The following UBR3 variants were observed in gnomAD, a reference collection of about 807,000 sequenced individuals.
UBR3 encodes the protein ubiquitin protein ligase E3 component n-recognin 3, also known as E3 ubiquitin-protein ligase UBR3.
In UBR3, 85 loss-of-function variants were observed where a neutral mutation model predicts 243.2. The observed-to-expected ratio is 0.35, with a 90% CI of 0.29 to 0.42. UBR3 has a LOEUF of 0.42. UBR3 is among the 10% of genes least tolerant of loss of function. The probability of loss-of-function intolerance (pLI) is 1.00; values close to 1 mark genes in which losing one functional copy is unlikely to be tolerated. For missense variants in UBR3, 1,686 were observed against 2,300.8 expected, an observed-to-expected ratio of 0.73 and a Z score of 5.47; for synonymous variants, 748 against 799.8, an observed-to-expected ratio of 0.94 and a Z score of 1.09.
intron 5 of UBR3, among the ~76,000 whole-genome samples, chr2:169,890,540 G>GAGATATATAT: frequency 1.3e-5 from 1 of 75,998 alleles, no homozygotes; most frequent in South Asian, 5.5e-4. Context: ...GAGAGAGAGA[G>GAGATATATAT]ATATATATAT....
intron 23 of UBR3, among the ~76,000 whole-genome samples, chr2:169,953,142 A>G (rs6738841): frequency 0.027 from 4,086 of 152,272 alleles, 166 homozygotes; most frequent in African/African-American, 0.093. Context: ...ATGCTATTGT[A>G]ATAAATAATA....
In UBR3 at chr2:169,844,093, G is replaced by A. The variant is rs142971013; in HGVS notation, c.545+16041G>A. 7.8e-4 allele frequency among the ~76,000 whole-genome samples: 116 copies of A among 148,682 alleles called. 3 individuals carry two copies. In the East Asian group the frequency reaches 0.021, roughly 27 times the overall value. ...GCGACCTCGGCTCATTGCAACCTCA[G>A]CCTCCTGGGTTCAGTTGATTCTCCT... On this transcript the variant is annotated intron_variant, in intron 1 of 38. Coordinates refer to ENST00000272793, the MANE Select transcript of UBR3 (RefSeq NM_172070.4).
At chr2:169,977,115 A>G (rs542432089) in intron 24 of UBR3, among the ~76,000 whole-genome samples, 1 of 152,078 alleles carries the variant, frequency 6.6e-6, no homozygotes, top group Non-Finnish European at 1.5e-5. Flanking sequence ...TTTCTTATGC[A>G]TAAGAAATTT....
chr2:169,995,432 T>C (rs536506900), intron 26 of UBR3, among the ~76,000 whole-genome samples: 1 of 152,346 alleles, frequency 6.6e-6, no homozygotes, highest in South Asian at 2.1e-4. Flanking sequence ...TTTAGGTCTT[T>C]AGAAGTTTTG....
chr2:169,964,258 T>C (rs1574297519), intron 24 of UBR3: 1 of 284,446 alleles, frequency 3.5e-6, no homozygotes, highest in East Asian at 1.1e-4. Flanking sequence ...GTCCTTTTTT[T>C]GTCAGGTGAT....
intron 30 of UBR3, 68 bp downstream of exon 30, chr2:170,015,434 G>T: frequency 7.6e-7 from 1 of 1,307,222 alleles, no homozygotes; most frequent in South Asian, 1.3e-5. Flanking sequence ...CAGGAAAAGT[G>T]ACATTTTGGT....
At chr2:169,989,633 T>C (rs1291191460) in intron 25 of UBR3, among the ~76,000 whole-genome samples, 1 of 152,196 alleles carries the variant, frequency 6.6e-6, no homozygotes, top group Non-Finnish European at 1.5e-5. Context: ...TCACCTATTT[T>C]TTGTTGCTCT....
chr2:170,033,581 A>T (rs73975024), intron 31 of UBR3, among the ~76,000 whole-genome samples: 1 of 29,164 alleles, frequency 3.4e-5, no homozygotes, highest in African/African-American at 1.4e-4. Context: ...TTCCACACCC[A>T]CCCCCCCCCC....
chr2:169,889,395 C>T (rs533233764), intron 5 of UBR3, among the ~76,000 whole-genome samples: 40 of 152,292 alleles, frequency 2.6e-4, no homozygotes, highest in African/African-American at 9.4e-4. Flanking sequence ...AAATAATTCT[C>T]ACCTAGGACA....
At chr2:169,865,462 A>G (rs2083227356) in intron 1 of UBR3, among the ~76,000 whole-genome samples, 1 of 152,142 alleles carries the variant, frequency 6.6e-6, no homozygotes, top group Admixed American at 6.5e-5. Flanking sequence ...TTAAGTTTTT[A>G]ATCTCCAGTC....
intron 1 of UBR3, among the ~76,000 whole-genome samples, chr2:169,842,326 G>T (rs542489113): frequency 2.0e-5 from 3 of 152,266 alleles, no homozygotes; most frequent in Admixed American, 6.5e-5. Context: ...ATCTAGCTCA[G>T]GGATTGTAAA....
chr2:170,065,441 C>T (rs778661663), intron 35 of UBR3, among the ~76,000 whole-genome samples: 10 of 151,970 alleles, frequency 6.6e-5, no homozygotes, highest in East Asian at 3.9e-4. Context: ...TGCGCACCAC[C>T]GCACCCGACT....
At chr2:169,967,640 A>G (rs61157296) in intron 24 of UBR3, among the ~76,000 whole-genome samples, 6,581 of 152,188 alleles carry the variant, frequency 0.043, 160 homozygotes, top group Middle Eastern at 0.061. Context: ...AGCATCTTAC[A>G]TTAAGATTTC....
At chr2:169,849,185 G>GT (rs1468467285) in intron 1 of UBR3, among the ~76,000 whole-genome samples, 2 of 152,214 alleles carry the variant, frequency 1.3e-5, no homozygotes, top group Non-Finnish European at 1.5e-5. Flanking sequence ...AGCTGTTTTT[G>GT]TAACGAGTTG....
intron 30 of UBR3, among the ~76,000 whole-genome samples, chr2:170,027,221 G>C (rs992776708): frequency 6.6e-6 from 1 of 151,200 alleles, no homozygotes; most frequent in Non-Finnish European, 1.5e-5. Flanking sequence ...GTATCTGCCC[G>C]TATGTAAGCC....
Position 169,928,873 on chromosome 2 carries a change from G to A in UBR3, c.2566+5G>A. The A allele has an allele frequency of 7.1e-7, 1 of 1,401,764 alleles. No homozygotes were observed. Among genetic ancestry groups the A allele is most frequent in the Non-Finnish European group, 9.5e-7 (1 of 1,056,518 alleles). 86.8% of individuals were successfully genotyped at this position (1,401,764 alleles called of 1,614,324 possible). On this transcript the variant is annotated splice_donor_5th_base_variant and intron_variant, in intron 18 of 38. Coordinates refer to ENST00000272793, the MANE Select transcript of UBR3 (RefSeq NM_172070.4). ...AAGGCATGTATACTCCCAAAGGTAT[G>A]TTTATATACATAAATGGACTCTTTC...
chr2:169,877,263 GC>G (rs1414017541), intron 3 of UBR3, among the ~76,000 whole-genome samples: 2 of 152,066 alleles, frequency 1.3e-5, no homozygotes, highest in Non-Finnish European at 2.9e-5. Context: ...TATTTTAGAT[GC>G]CCACCTACTT....
rs115082789 is a variant in UBR3, at chr2:170,059,429, C to T, written c.4786-1650C>T. 7.8e-3 allele frequency among the ~76,000 whole-genome samples: 1,185 copies of T among 152,238 alleles called. 13 individuals carry two copies. The highest frequency in any genetic ancestry group is 0.026 in the African/African-American group (1,071 of 41,540). On this transcript the variant is annotated intron_variant, in intron 33 of 38. Coordinates refer to ENST00000272793, the MANE Select transcript of UBR3 (RefSeq NM_172070.4). Reference sequence around the variant, plus strand: ...CATTTAGAGAAACTTAACTATGCCACATTGATTAATAAATAGCAAATCTGT... The same window carrying T: ...CATTTAGAGAAACTTAACTATGCCATATTGATTAATAAATAGCAAATCTGT...
intron 18 of UBR3, 73 bp from the exon 19 acceptor site, chr2:169,932,836 TAAC>T: frequency 1.6e-6 from 2 of 1,229,058 alleles, no homozygotes; most frequent in East Asian, 5.3e-5. Context: ...AAAATATACT[TAAC>T]AAATGTAATA....
Sources: allele counts gnomAD v4.1 joint callset (sites outside exome capture counted in the v4.1 genomes callset), GRCh38; gene constraint gnomAD v4.1.1; transcripts MANE v1.5; gene names NCBI Gene and HGNC (gene_info 2026-07-23, HGNC 2026-07-21).